Variants in PPARGC1A observed in about 807,000 individuals in gnomAD.
PPARGC1A encodes the protein PPARG coactivator 1 alpha.
Under a neutral mutation model 88.7 loss-of-function variants are expected in PPARGC1A, and 25 were observed. That is an observed-to-expected ratio of 0.28 (90% confidence interval 0.21 to 0.39). The LOEUF is 0.39. Among genes scored for constraint, PPARGC1A ranks in the 10% least tolerant of loss-of-function variants. PPARGC1A has a pLI of 1.00. For synonymous variants in PPARGC1A, 363 were observed against 355.6 expected (o/e 1.02, Z -0.24); for missense variants, 880 against 968.7 (o/e 0.91, Z 1.22).
At chr4:24,184,469 G>T in the PPARGC1A span, among the ~76,000 whole-genome samples, 1 of 152,190 alleles carries the variant, frequency 6.6e-6, no homozygotes, top group African/African-American at 2.4e-5. Flanking sequence ...CTGGTATTGT[G>T]GGAGGTGCCT....
upstream of PPARGC1A, among the ~76,000 whole-genome samples, chr4:23,892,466 A>T (rs1174656061): frequency 6.6e-6 from 1 of 151,662 alleles, no homozygotes; most frequent in Non-Finnish European, 1.5e-5. Flanking sequence ...TAAAACTACA[A>T]CTGTAATGAG....
intron 2 of PPARGC1A, among the ~76,000 whole-genome samples, chr4:23,854,497 C>T (rs553172458): frequency 2.6e-5 from 4 of 152,090 alleles, no homozygotes; most frequent in Admixed American, 1.3e-4. Flanking sequence ...TACAAGTTTC[C>T]GATGGCCTCT....
chr4:24,277,755 G>A, the PPARGC1A span, among the ~76,000 whole-genome samples: 1 of 152,036 alleles, frequency 6.6e-6, no homozygotes, highest in Non-Finnish European at 1.5e-5. Flanking sequence ...TAGCAGGGGG[G>A]TCGAGGACAG....
chr4:24,212,630 T>G, the PPARGC1A span, among the ~76,000 whole-genome samples: 1 of 152,154 alleles, frequency 6.6e-6, no homozygotes, highest in Non-Finnish European at 1.5e-5. Context: ...AGGCTTATGG[T>G]GATAATTGGG....
At chr4:24,041,935 AAG>A in the PPARGC1A span, among the ~76,000 whole-genome samples, 3 of 152,080 alleles carry the variant, frequency 2.0e-5, no homozygotes, top group African/African-American at 7.2e-5. Flanking sequence ...AAAGAAAAGA[AAG>A]AAATCTCTGA....
chr4:23,980,973 G>A, the PPARGC1A span, among the ~76,000 whole-genome samples: 1 of 152,016 alleles, frequency 6.6e-6, no homozygotes, highest in African/African-American at 2.4e-5. Context: ...CTAGCCTTAT[G>A]GCCCCACCTC....
chr4:24,296,191 ATG>A, the PPARGC1A span, among the ~76,000 whole-genome samples: 17 of 147,682 alleles, frequency 1.2e-4, 1 homozygote, highest in East Asian at 7.8e-4. Context: ...GTATGTGTGT[ATG>A]TGTGTGTGTG....
the PPARGC1A span, among the ~76,000 whole-genome samples, chr4:24,234,916 A>G: frequency 2.6e-5 from 4 of 152,244 alleles, no homozygotes; most frequent in East Asian, 5.8e-4. Context: ...CAACATGAAA[A>G]CAAAACATCA....
At chr4:24,371,344 T>C in the PPARGC1A span, among the ~76,000 whole-genome samples, 1 of 152,224 alleles carries the variant, frequency 6.6e-6, no homozygotes. Context: ...AGACCCTCTT[T>C]GATCTATCAG....
the PPARGC1A span, among the ~76,000 whole-genome samples, chr4:23,964,300 A>C: frequency 6.6e-6 from 1 of 152,208 alleles, no homozygotes; most frequent in Non-Finnish European, 1.5e-5. Context: ...TTGTCTTCAG[A>C]ATCTGTGCTC....
chr4:24,000,358 G>T, the PPARGC1A span, among the ~76,000 whole-genome samples: 1 of 151,914 alleles, frequency 6.6e-6, no homozygotes, highest in East Asian at 1.9e-4. Flanking sequence ...CATTTGCCTC[G>T]GCACTCCTTC....
chr4:23,897,113 A>ATGAAAGCT (rs1433102240), intron 1 of PPARGC1A, among the ~76,000 whole-genome samples: 3 of 152,232 alleles, frequency 2.0e-5, no homozygotes, highest in African/African-American at 7.2e-5. Flanking sequence ...ATTCATAGGA[A>ATGAAAGCT]TGAAAGCTTT....
At chr4:24,466,985 AGGAG>A in the PPARGC1A span, among the ~76,000 whole-genome samples, 2 of 136,146 alleles carry the variant, frequency 1.5e-5, no homozygotes, top group African/African-American at 2.8e-5. Context: ...AAAGAAAGAA[AGGAG>A]GGAGGGAGGA....
chr4:24,375,206 T>C, the PPARGC1A span, among the ~76,000 whole-genome samples: 1 of 151,908 alleles, frequency 6.6e-6, no homozygotes, highest in South Asian at 2.1e-4. Context: ...GAAAATCAGG[T>C]TGAGTTGGGT....
chr4:24,242,824 C>T, the PPARGC1A span, among the ~76,000 whole-genome samples: 10 of 152,264 alleles, frequency 6.6e-5, no homozygotes, highest in Admixed American at 1.3e-4. Flanking sequence ...ATTCCATCTT[C>T]CTGACGGGGA....
chr4:23,829,541 A>G lies in PPARGC1A; in HGVS notation c.474T>C (p.Tyr158=), dbSNP rs1724630183. 4.3e-6 allele frequency: 7 copies of G among 1,613,498 alleles called. No individual in the cohort carries two copies. The East Asian group carries it at 1.3e-4, about 31-fold the overall frequency. The part of the protein sequence containing the change: ...LLAPANTQLS[Y]NECSGLSTQN... Reference sequence around the variant, plus strand: ...GGGTACTGAGACCACTGCATTCATTATAACTTAGCTGAGTGTTGGCTGGTG... The same window carrying G: ...GGGTACTGAGACCACTGCATTCATTGTAACTTAGCTGAGTGTTGGCTGGTG... The change falls in exon 4 of 13, where the codon TAT becomes TAC. Residue 158 remains tyrosine (Y), a synonymous_variant. Transcript: ENST00000264867.
the PPARGC1A span, among the ~76,000 whole-genome samples, chr4:24,054,308 T>TAAAA: frequency 1.5e-3 from 196 of 134,896 alleles, 1 homozygote; most frequent in African/African-American, 4.9e-3. Context: ...ATCCTTCTTG[T>TAAAA]AAAAAAAAAA....
chr4:24,336,470 G>A, the PPARGC1A span, among the ~76,000 whole-genome samples: 1 of 152,018 alleles, frequency 6.6e-6, no homozygotes. Flanking sequence ...AATATAAAGA[G>A]AGTAATCACC....
intron 10 of PPARGC1A, among the ~76,000 whole-genome samples, chr4:23,804,751 C>T (rs1719462360): frequency 6.6e-6 from 1 of 152,118 alleles, no homozygotes; most frequent in Non-Finnish European, 1.5e-5. Flanking sequence ...CCTTCCTTCC[C>T]AAAGCCTTTG....
Sources: gnomAD v4.1 joint callset for allele counts (sites outside exome capture counted in the v4.1 genomes callset) on GRCh38, gnomAD v4.1.1 for gene constraint, MANE v1.5 for transcripts, NCBI Gene and HGNC (gene_info 2026-07-23, HGNC 2026-07-21) for gene names.